Variants in EGFLAM observed in about 807,000 individuals in gnomAD.
The protein encoded by EGFLAM is pikachurin.
Under a neutral mutation model 113.1 loss-of-function variants are expected in EGFLAM, and 79 were observed. The ratio of observed to expected loss-of-function variants is 0.70; its 90% CI spans 0.58 to 0.84. The LOEUF is 0.84. Ranked by LOEUF, EGFLAM falls within the 40% of genes least tolerant of loss-of-function variation. The pLI is 0.00. For synonymous variants in EGFLAM, 504 were observed against 487.6 expected, an observed-to-expected ratio of 1.03 and a Z score of -0.44; for missense variants, 1,265 against 1,291.6, an observed-to-expected ratio of 0.98 and a Z score of 0.32.
chr5:38,324,200 T>C (rs1423660317), intron 1 of EGFLAM, among the ~76,000 whole-genome samples: 2 of 152,176 alleles, frequency 1.3e-5, no homozygotes, highest in Non-Finnish European at 2.9e-5. Flanking sequence ...GATCTGCTCA[T>C]TGCAGTTGGG....
chr5:38,431,113 T>C (rs1240629825), intron 14 of EGFLAM, 64 bp from the exon 15 acceptor site: 19 of 1,401,212 alleles, frequency 1.4e-5, no homozygotes, highest in Non-Finnish European at 1.5e-5. Flanking sequence ...GTACCAGCTA[T>C]CTGGGCATTC....
intron 18 of EGFLAM, among the ~76,000 whole-genome samples, chr5:38,450,492 T>C (rs979976041): frequency 9.2e-5 from 14 of 152,226 alleles, no homozygotes; most frequent in Admixed American, 2.6e-4. Context: ...GACTAGAGAA[T>C]GGACAAAGAA....
At chr5:38,445,392 G>A in intron 17 of EGFLAM, 1 of 1,070,886 alleles carries the variant, frequency 9.3e-7, no homozygotes, top group Non-Finnish European at 1.2e-6. Flanking sequence ...GTGTCAGACA[G>A]CTGATTCTAA....
Position 38,451,372 on chromosome 5 carries a change from C to T in EGFLAM, c.2601C>T (p.Gly867=), listed in dbSNP as rs1486781776. The change falls in exon 19 of 22, where the codon GGC becomes GGT. Residue 867 remains glycine, a synonymous_variant. Coordinates refer to ENST00000322350, the MANE Select transcript of EGFLAM (RefSeq NM_152403.4). The part of the protein sequence containing the change: ...FMRFKTTAKD[G]LLLWRGDSPM... ...GGTTTAAAACAACTGCCAAGGATGGCCTTTTGCTGTGGAGGGGAGACAGCC... is the reference window on the plus strand; with the variant it reads ...GGTTTAAAACAACTGCCAAGGATGGTCTTTTGCTGTGGAGGGGAGACAGCC... 9 of 1,614,188 alleles carry T rather than the reference C, an allele frequency of 5.6e-6. 1 individual carries two copies. The highest frequency in any genetic ancestry group is 5.9e-6 in the Non-Finnish European group (7 of 1,180,040).
At chr5:38,376,625 A>G (rs1360941550) in intron 6 of EGFLAM, among the ~76,000 whole-genome samples, 1 of 152,082 alleles carries the variant, frequency 6.6e-6, no homozygotes, top group Non-Finnish European at 1.5e-5. Context: ...TCTTTCTATG[A>G]TCATGCCACC....
intron 17 of EGFLAM, among the ~76,000 whole-genome samples, chr5:38,441,637 C>T (rs185159687): frequency 6.6e-6 from 1 of 151,614 alleles, no homozygotes; most frequent in Non-Finnish European, 1.5e-5. Context: ...TTCACGTACA[C>T]GAAATGGGAG....
At chr5:38,391,963 T>A (rs1740824563) in intron 6 of EGFLAM, among the ~76,000 whole-genome samples, 1 of 151,916 alleles carries the variant, frequency 6.6e-6, no homozygotes, top group Non-Finnish European at 1.5e-5. Context: ...CTTTTTTAAC[T>A]TTTATTTTAG....
intron 1 of EGFLAM, among the ~76,000 whole-genome samples, chr5:38,302,709 CA>C (rs56012054): frequency 0.36 from 41,749 of 115,330 alleles, 6,015 homozygotes; most frequent in Middle Eastern, 0.43. Flanking sequence ...GTCTGAGAAT[CA>C]AAAAAAAAAA....
At chr5:38,335,272 G>C (rs569206482) in intron 1 of EGFLAM, among the ~76,000 whole-genome samples, 6 of 152,138 alleles carry the variant, frequency 3.9e-5, no homozygotes, top group African/African-American at 7.2e-5. Flanking sequence ...GTGCAAAAAG[G>C]CACAGATATA....
intron 14 of EGFLAM, among the ~76,000 whole-genome samples, chr5:38,428,960 G>C (rs2956594): frequency 0.27 from 41,005 of 152,096 alleles, 9,835 homozygotes; most frequent in African/African-American, 0.65. Flanking sequence ...CTGAGCGTAA[G>C]CTAACAACAG....
At chr5:38,424,120 T>C (rs1037243287) in intron 12 of EGFLAM, among the ~76,000 whole-genome samples, 9 of 152,176 alleles carry the variant, frequency 5.9e-5, no homozygotes, top group African/African-American at 1.9e-4. Context: ...CTGGGCCAGA[T>C]GGTGGTCCAT....
intron 1 of EGFLAM, among the ~76,000 whole-genome samples, chr5:38,308,980 A>G (rs1758796698): frequency 6.6e-6 from 1 of 152,240 alleles, no homozygotes; most frequent in Non-Finnish European, 1.5e-5. Flanking sequence ...CTGGTGTACT[A>G]GAGACAGCTC....
intron 5 of EGFLAM, 56 bp from the exon 6 acceptor site, chr5:38,370,240 C>G: frequency 6.4e-7 from 1 of 1,569,952 alleles, no homozygotes; most frequent in Admixed American, 1.7e-5. Context: ...CAGCTAGCTT[C>G]CCTTCCCTCT....
intron 5 of EGFLAM, among the ~76,000 whole-genome samples, chr5:38,364,868 C>CT (rs1334438194): frequency 1.3e-5 from 2 of 152,116 alleles, no homozygotes; most frequent in African/African-American, 4.8e-5. Flanking sequence ...AGAGAAAATA[C>CT]TTAGGGAGGG....
chr5:38,456,322 G>A (rs142999783), intron 19 of EGFLAM, among the ~76,000 whole-genome samples: 8 of 152,268 alleles, frequency 5.3e-5, no homozygotes, highest in Admixed American at 2.0e-4. Context: ...AGGCAGGTCC[G>A]TTGAATCTGA....
At chr5:38,433,176 A>C (rs1245244923) in intron 15 of EGFLAM, among the ~76,000 whole-genome samples, 1 of 152,242 alleles carries the variant, frequency 6.6e-6, no homozygotes, top group African/African-American at 2.4e-5. Context: ...CTTAGAGCTC[A>C]GAGACAGGTA....
chr5:38,340,815 C>G (rs1270731897), intron 3 of EGFLAM, among the ~76,000 whole-genome samples: 3 of 126,718 alleles, frequency 2.4e-5, no homozygotes, highest in East Asian at 4.8e-4. Flanking sequence ...CTCTCAATCT[C>G]TGTGTGTGTG....
At chr5:38,449,805 A>G (rs967848151) in intron 18 of EGFLAM, among the ~76,000 whole-genome samples, 1 of 152,182 alleles carries the variant, frequency 6.6e-6, no homozygotes, top group African/African-American at 2.4e-5. Flanking sequence ...TCAGCTTAAA[A>G]TGCCTTACCC....
At chr5:38,337,959 T>C (rs1739230581) in intron 2 of EGFLAM, among the ~76,000 whole-genome samples, 1 of 152,180 alleles carries the variant, frequency 6.6e-6, no homozygotes, top group South Asian at 2.1e-4. Context: ...AGGAAATCAC[T>C]GTGGAATGTT....
Sources: allele counts gnomAD v4.1 joint callset (sites outside exome capture counted in the v4.1 genomes callset), GRCh38; gene constraint gnomAD v4.1.1; transcripts MANE v1.5; gene names NCBI Gene and HGNC (gene_info 2026-07-23, HGNC 2026-07-21).